The following STK38L variants were observed in gnomAD, a reference collection of about 807,000 sequenced individuals.
STK38L encodes the protein serine/threonine kinase 38 like, also known as serine/threonine-protein kinase 38-like.
A neutral mutation model predicts 59.7 loss-of-function variants in STK38L; 28 were observed. The observed-to-expected ratio is 0.47, with a 90% CI of 0.35 to 0.64. STK38L has a LOEUF of 0.64. STK38L is among the 30% of genes least tolerant of loss of function. The pLI, the probability that STK38L is intolerant of heterozygous loss-of-function variation, is 0.01. For synonymous variants in STK38L, 162 were observed against 176.8 expected (o/e 0.92, Z 0.66); for missense variants, 314 against 555.8 (o/e 0.56, Z 4.37).
At chr12:27,271,917 C>G (rs1055508224) in intron 1 of STK38L, among the ~76,000 whole-genome samples, 2 of 152,168 alleles carry the variant, frequency 1.3e-5, no homozygotes, top group Non-Finnish European at 2.9e-5. Context: ...CCAGATTGGT[C>G]TTGAACTCCT....
chr12:27,302,870 A>G (rs1944210204), intron 3 of STK38L, among the ~76,000 whole-genome samples: 1 of 151,774 alleles, frequency 6.6e-6, no homozygotes, highest in Non-Finnish European at 1.5e-5. Context: ...AAAATTAGCC[A>G]GGAGCGGTGG....
chr12:27,289,380 AT>A (rs1233836589), intron 1 of STK38L, among the ~76,000 whole-genome samples: 2 of 152,174 alleles, frequency 1.3e-5, no homozygotes, highest in African/African-American at 4.8e-5. Context: ...GTTCAGAGGG[AT>A]TTTTAGTAAT....
In STK38L at chr12:27,308,417, G is replaced by A; in HGVS notation, c.265G>A (p.Asp89Asn). 6.3e-7 allele frequency: 1 copy of A among 1,598,858 alleles called. No individual in the cohort carries two copies. ...RLKRTRLGLD[D>N]FESLKVIGRG... Reference sequence around the variant, plus strand: ...CAAAAGGACCAGACTTGGCTTGGATGACTTTGAGTCTCTGAAAGTTATAGG... The same window carrying A: ...CAAAAGGACCAGACTTGGCTTGGATAACTTTGAGTCTCTGAAAGTTATAGG... Residue 89 changes from aspartate (D) to asparagine (N), a missense_variant, in exon 4 of 14, where the codon GAC becomes AAC. Physicochemically the swap from Asp to Asn is conservative, Grantham distance 23. This residue lies in a region of STK38L where 192 missense variants were observed against 316.9 expected (regional missense o/e 0.61). Transcript: ENST00000389032. The surrounding 1 kb of genome is among the most constrained non-coding windows in gnomAD (Gnocchi z 4.5).
intron 1 of STK38L, among the ~76,000 whole-genome samples, chr12:27,279,000 C>G (rs780779103): frequency 2.6e-5 from 4 of 152,100 alleles, no homozygotes; most frequent in Non-Finnish European, 5.9e-5. Context: ...AGGGGCCTGC[C>G]CAAATAGATG....
intron 1 of STK38L, among the ~76,000 whole-genome samples, chr12:27,292,530 C>T (rs1943918368): frequency 6.6e-6 from 1 of 152,098 alleles, no homozygotes; most frequent in Admixed American, 6.6e-5. Flanking sequence ...TATTTCTTAA[C>T]CCAAATGAAA....
chr12:27,314,948 G>C lies in STK38L; in HGVS notation c.673-67G>C, dbSNP rs181757942. On this transcript the variant is annotated intron_variant, in intron 7 of 13. Coordinates refer to ENST00000389032, the MANE Select transcript of STK38L (RefSeq NM_015000.4). Reference sequence around the variant, plus strand: ...TTTATTATAATTGCCATTTAATAGAGGAGTTTATAACAAGGCTTTTTGTTT... The same window carrying C: ...TTTATTATAATTGCCATTTAATAGACGAGTTTATAACAAGGCTTTTTGTTT... 7.2e-3 allele frequency: 8,486 copies of C among 1,184,148 alleles called. 53 individuals are homozygous for C. Among genetic ancestry groups the C allele is most frequent in the Non-Finnish European group, 8.4e-3 (7,078 of 844,320 alleles). The allele number at this position is 1,184,148 out of a possible 1,614,324, so 73.4% of individuals were successfully genotyped here.
intron 2 of STK38L, among the ~76,000 whole-genome samples, chr12:27,298,699 A>G (rs1240376825): frequency 6.6e-6 from 1 of 152,184 alleles, no homozygotes; most frequent in Non-Finnish European, 1.5e-5. Flanking sequence ...GCTCTAAAGG[A>G]GAAGAACTAT....
At chr12:27,249,300 G>T (rs1363284068) in intron 1 of STK38L, among the ~76,000 whole-genome samples, 1 of 152,160 alleles carries the variant, frequency 6.6e-6, no homozygotes. Flanking sequence ...ATTGTCTGTG[G>T]TATGTGATAA....
At chr12:27,322,111 A>G (rs1944743445) in intron 12 of STK38L, 32 bp from the exon 13 acceptor site, 1 of 1,582,928 alleles carries the variant, frequency 6.3e-7, no homozygotes, top group African/African-American at 1.4e-5. Flanking sequence ...GTTCAAGAAA[A>G]GTTACCATGC....
chr12:27,274,507 T>C (rs1943491934), intron 1 of STK38L, among the ~76,000 whole-genome samples: 1 of 152,234 alleles, frequency 6.6e-6, no homozygotes, highest in Non-Finnish European at 1.5e-5. Context: ...TCACTACTAA[T>C]CTGGCCAGCA....
At chr12:27,258,755 A>G (rs1284200007) in intron 1 of STK38L, among the ~76,000 whole-genome samples, 1 of 152,116 alleles carries the variant, frequency 6.6e-6, no homozygotes, top group Non-Finnish European at 1.5e-5. Flanking sequence ...ATTCTGTTAA[A>G]ATTGTTTTAG....
chr12:27,320,504 CT>C (rs1944701450), intron 12 of STK38L, among the ~76,000 whole-genome samples: 2 of 132,408 alleles, frequency 1.5e-5, no homozygotes, highest in African/African-American at 5.8e-5. Context: ...ATTGCCCAGG[CT>C]GGTCTTGAAC....
At chr12:27,272,596 A>C (rs1943447593) in intron 1 of STK38L, among the ~76,000 whole-genome samples, 1 of 152,188 alleles carries the variant, frequency 6.6e-6, no homozygotes. Flanking sequence ...GCCTGGGGTG[A>C]CTGAATCTGC....
chr12:27,244,717 T>G (rs1301541365), intron 1 of STK38L, among the ~76,000 whole-genome samples: 1 of 152,184 alleles, frequency 6.6e-6, no homozygotes, highest in Non-Finnish European at 1.5e-5. Flanking sequence ...CCAGCCGATG[T>G]CACCCAGAGC....
In STK38L at chr12:27,315,163, G is replaced by A. The variant is rs372175360; in HGVS notation, c.775+46G>A. 6 of 1,581,836 alleles carry A rather than the reference G, an allele frequency of 3.8e-6. No homozygotes were observed. The African/African-American group carries it at 4.0e-5, about 11-fold the overall frequency. On this transcript the variant is annotated intron_variant, in intron 8 of 13. Transcript: ENST00000389032. The stretch of plus-strand genomic sequence containing the variant: ...TCTTCTTTCCCCTGGTTAAGATACT[G>A]TAGAGAACAGAAGGTTCTTTCCCTT...
At position 27,247,627 on chromosome 12, in the gene STK38L, A is replaced by G. The variant is rs1185022824; in HGVS notation, c.-12+3295A>G. ...ACTTAGAAGTGAGAAGTTATTCCAT[A>G]TTAACTCTTTTGCTTAATGGAATGT... On this transcript the variant is annotated intron_variant, in intron 1 of 13. Coordinates refer to ENST00000389032, the MANE Select transcript of STK38L (RefSeq NM_015000.4). Among the ~76,000 whole-genome samples the G allele has an allele frequency of 3.9e-5, 6 of 152,258 alleles. No individual in the cohort carries two copies. In the East Asian group the frequency reaches 1.2e-3, roughly 29 times the overall value.
chr12:27,253,122 G>C (rs750716913), intron 1 of STK38L, among the ~76,000 whole-genome samples: 1 of 152,196 alleles, frequency 6.6e-6, no homozygotes, highest in East Asian at 1.9e-4. Context: ...GCCACGCAGA[G>C]GGATTAGCAT....
chr12:27,245,545 A>C (rs7969332), intron 1 of STK38L: 78,643 of 151,842 alleles, frequency 0.52, 21,629 homozygotes, highest in East Asian at 0.87. Context: ...TCAATCATAT[A>C]TGTATATAAG....
rs916704004 is a variant in STK38L, at chr12:27,324,754, A to G, written c.*2299A>G. 1 of 152,070 alleles carries G rather than the reference A, an allele frequency of 6.6e-6. No individual in the cohort carries two copies. The highest frequency in any genetic ancestry group is 1.5e-5 in the Non-Finnish European group (1 of 67,942). 9.4% of individuals were successfully genotyped at this position (152,070 alleles called of 1,614,324 possible). On this transcript the variant is annotated 3_prime_UTR_variant, in exon 14 of 14. Transcript: ENST00000389032. Reference sequence around the variant, plus strand: ...TTTCTTAAGTGCCTATCTAAAAGCAATTAAAGACTGTGTCTGCCCTTTAGA... The same window carrying G: ...TTTCTTAAGTGCCTATCTAAAAGCAGTTAAAGACTGTGTCTGCCCTTTAGA...
Sources: allele counts gnomAD v4.1 joint callset (sites outside exome capture counted in the v4.1 genomes callset), GRCh38; gene constraint gnomAD v4.1.1; regional missense constraint gnomAD v4.1.1; non-coding constraint Gnocchi (gnomAD v3.1); transcripts MANE v1.5; gene names NCBI Gene and HGNC (gene_info 2026-07-23, HGNC 2026-07-21).